The following CDKAL1 variants were observed in gnomAD, a reference collection of about 807,000 sequenced individuals.
CDKAL1 encodes threonylcarbamoyladenosine tRNA methylthiotransferase.
Under a neutral mutation model 68.2 loss-of-function variants are expected in CDKAL1, and 32 were observed. The observed-to-expected ratio is 0.47, with a 90% CI of 0.35 to 0.63. The LOEUF is 0.63. Among genes scored for constraint, CDKAL1 ranks in the 30% least tolerant of loss-of-function variants. CDKAL1 has a pLI of 0.00. For synonymous variants in CDKAL1, 234 were observed against 244.3 expected, an observed-to-expected ratio of 0.96 and a Z score of 0.39; for missense variants, 606 against 696.7, an observed-to-expected ratio of 0.87 and a Z score of 1.47.
intron 10 of CDKAL1, among the ~76,000 whole-genome samples, 181 bp downstream of exon 10, chr6:20,955,766 T>C (rs1764747236): frequency 6.6e-6 from 1 of 152,146 alleles, no homozygotes; most frequent in Non-Finnish European, 1.5e-5. Context: ...GCAACACTTT[T>C]TTACTTCCTC....
At chr6:21,152,554 A>G (rs1191302349) in intron 13 of CDKAL1, among the ~76,000 whole-genome samples, 1 of 152,250 alleles carries the variant, frequency 6.6e-6, no homozygotes, top group Non-Finnish European at 1.5e-5. Context: ...TTCAGGTGAC[A>G]CAATGAGTGC....
intron 12 of CDKAL1, among the ~76,000 whole-genome samples, chr6:21,089,910 G>C (rs1285153101): frequency 6.6e-6 from 1 of 152,210 alleles, no homozygotes; most frequent in African/African-American, 2.4e-5. Context: ...GGAATGCATA[G>C]CTACAACCAA....
At chr6:20,857,258 C>T (rs2150515935) in intron 9 of CDKAL1, among the ~76,000 whole-genome samples, 1 of 152,150 alleles carries the variant, frequency 6.6e-6, no homozygotes, top group East Asian at 1.9e-4. Flanking sequence ...TTAATCATTT[C>T]TGGTAGTGTG....
chr6:20,575,686 C>T (rs891348401), intron 4 of CDKAL1, among the ~76,000 whole-genome samples: 6 of 152,062 alleles, frequency 3.9e-5, no homozygotes, highest in African/African-American at 7.2e-5. Flanking sequence ...AAAAGTTCTT[C>T]GAAAATATTT....
intron 12 of CDKAL1, 93 bp from the exon 13 acceptor site, chr6:21,108,308 T>G: frequency 1.4e-6 from 1 of 725,722 alleles, no homozygotes; most frequent in Non-Finnish European, 2.3e-6. Flanking sequence ...ACTTTATGTA[T>G]GTAGAGATAT....
chr6:20,795,025 TA>T (rs66617110), intron 8 of CDKAL1, among the ~76,000 whole-genome samples: 3,845 of 152,198 alleles, frequency 0.025, 149 homozygotes, highest in African/African-American at 0.085. Flanking sequence ...ATAAAGGCAC[TA>T]TTGAGACTTC....
rs1229111961 is a variant in CDKAL1, at chr6:20,887,089, G to T, written c.742+40911G>T. Among the ~76,000 whole-genome samples the T allele has an allele frequency of 2.0e-5, 3 of 152,298 alleles. No homozygotes were observed. In the East Asian group the frequency reaches 5.8e-4, roughly 29 times the overall value. ...ACATTAAAAGTGTTCAACAACATGA[G>T]TCACAAGGGAAATGCAAATGTGAAT... is the stretch of plus-strand genomic sequence containing the variant. On this transcript the variant is annotated intron_variant, in intron 9 of 15. Coordinates refer to ENST00000274695, the MANE Select transcript of CDKAL1 (RefSeq NM_017774.3).
chr6:21,173,789 G>A (rs1777479830), intron 13 of CDKAL1, among the ~76,000 whole-genome samples: 1 of 152,158 alleles, frequency 6.6e-6, no homozygotes, highest in Non-Finnish European at 1.5e-5. Context: ...TAAAATTAAG[G>A]TCAGACGCAG....
intron 7 of CDKAL1, among the ~76,000 whole-genome samples, chr6:20,762,677 A>C (rs1379506137): frequency 6.6e-6 from 1 of 152,162 alleles, no homozygotes; most frequent in East Asian, 1.9e-4. Context: ...TAAATGGATA[A>C]GACTTTTGAG....
intron 13 of CDKAL1, among the ~76,000 whole-genome samples, chr6:21,145,632 G>T (rs780090074): frequency 2.6e-5 from 4 of 152,220 alleles, no homozygotes; most frequent in African/African-American, 9.6e-5. Flanking sequence ...TAATTAGAAA[G>T]AATCACACAG....
chr6:20,560,388 T>A (rs917048482), intron 4 of CDKAL1, among the ~76,000 whole-genome samples: 1 of 152,134 alleles, frequency 6.6e-6, no homozygotes, highest in Non-Finnish European at 1.5e-5. Context: ...GATGTGAAAA[T>A]TATTTAGTCA....
intron 12 of CDKAL1, among the ~76,000 whole-genome samples, chr6:21,089,577 G>C (rs1347510156): frequency 6.6e-6 from 1 of 151,688 alleles, no homozygotes; most frequent in East Asian, 1.9e-4. Flanking sequence ...AGCTCTCTCT[G>C]AGGAGGTGAC....
chr6:20,824,162 G>C (rs973995121), intron 8 of CDKAL1, among the ~76,000 whole-genome samples: 7 of 152,106 alleles, frequency 4.6e-5, no homozygotes, highest in Non-Finnish European at 1.0e-4. Context: ...GCTTTAGGCT[G>C]TCTAGTCTGT....
chr6:21,068,355 A>G (rs751481245), intron 12 of CDKAL1, among the ~76,000 whole-genome samples: 6 of 152,058 alleles, frequency 3.9e-5, no homozygotes, highest in Non-Finnish European at 7.4e-5. Context: ...TTACCTTTAA[A>G]TCTGCAGTCC....
intron 8 of CDKAL1, among the ~76,000 whole-genome samples, chr6:20,781,983 C>G (rs985368551): frequency 1.3e-5 from 2 of 152,170 alleles, no homozygotes; most frequent in Admixed American, 1.3e-4. Flanking sequence ...CTGTTCTGCC[C>G]CTTTTACTTC....
intron 8 of CDKAL1, among the ~76,000 whole-genome samples, chr6:20,814,737 T>C (rs1458544997): frequency 6.6e-6 from 1 of 152,198 alleles, no homozygotes; most frequent in East Asian, 1.9e-4. Context: ...AAGGAATTGT[T>C]TTGCCTATTT....
chr6:20,958,066 G>C (rs1764873480), intron 10 of CDKAL1, among the ~76,000 whole-genome samples: 1 of 151,484 alleles, frequency 6.6e-6, no homozygotes, highest in Admixed American at 6.6e-5. Flanking sequence ...CCCCTGGCCA[G>C]AAGAGGCAGC....
At chr6:20,914,150 C>T (rs1395964921) in intron 9 of CDKAL1, among the ~76,000 whole-genome samples, 3 of 151,074 alleles carry the variant, frequency 2.0e-5, no homozygotes, top group Admixed American at 6.6e-5. Flanking sequence ...ATTAGCTGGG[C>T]GTGGTGGCAG....
Position 20,781,217 on chromosome 6 carries a change from C to T in CDKAL1, c.590C>T (p.Pro197Leu), listed in dbSNP as rs368733380. Residue 197 changes from proline to leucine, a missense_variant, in exon 8 of 16, where the codon CCG becomes CTG. Physicochemically the swap from Pro to Leu is moderately conservative, Grantham distance 98. Coordinates refer to ENST00000274695, the MANE Select transcript of CDKAL1 (RefSeq NM_017774.3). ...RRLGGARLDL[P>L]KIRKNPLIEI... ...CTTGGGGGAGCACGATTGGATTTGCCGAAGATTAGGAAGAATCCACTGATA... is the reference window on the plus strand; with the variant it reads ...CTTGGGGGAGCACGATTGGATTTGCTGAAGATTAGGAAGAATCCACTGATA... The T allele has an allele frequency of 9.9e-6, 16 of 1,613,418 alleles. No individual in the cohort carries two copies. The highest frequency in any genetic ancestry group is 6.7e-5 in the African/African-American group (5 of 74,846).
Sources: gnomAD v4.1 joint callset for allele counts (sites outside exome capture counted in the v4.1 genomes callset) on GRCh38, gnomAD v4.1.1 for gene constraint, MANE v1.5 for transcripts, NCBI Gene and HGNC (gene_info 2026-07-23, HGNC 2026-07-21) for gene names.